The following SLC24A2 variants were observed in gnomAD, a reference collection of about 807,000 sequenced individuals.
The protein encoded by SLC24A2 is sodium/potassium/calcium exchanger 2.
In SLC24A2, 36 loss-of-function variants were observed where a neutral mutation model predicts 62.0. The ratio of observed to expected loss-of-function variants is 0.58; its 90% CI spans 0.44 to 0.77. SLC24A2 has a LOEUF of 0.77. Ranked by LOEUF, SLC24A2 falls within the 30% of genes least tolerant of loss-of-function variation. The probability of loss-of-function intolerance (pLI) is 0.00; values close to 1 mark genes in which losing one functional copy is unlikely to be tolerated. For synonymous variants in SLC24A2, 358 were observed against 294.0 expected (o/e 1.22, Z -2.23); for missense variants, 846 against 817.9 (o/e 1.03, Z -0.42).
At chr9:19,633,298 A>G (rs372706749) in intron 2 of SLC24A2, among the ~76,000 whole-genome samples, 2 of 152,242 alleles carry the variant, frequency 1.3e-5, no homozygotes, top group East Asian at 3.8e-4. Context: ...TGTTTCATTT[A>G]TCTGGGATAT....
the SLC24A2 span, among the ~76,000 whole-genome samples, chr9:20,182,784 C>CA: frequency 2.0e-5 from 3 of 151,720 alleles, no homozygotes; most frequent in African/African-American, 7.3e-5. Flanking sequence ...AAGTATGATA[C>CA]AAAAAAGAAG....
intron 4 of SLC24A2, among the ~76,000 whole-genome samples, chr9:19,598,648 A>G (rs1018964532): frequency 1.3e-5 from 2 of 152,022 alleles, no homozygotes; most frequent in Non-Finnish European, 2.9e-5. Flanking sequence ...GGGGATTGCC[A>G]TCAGTGAAAA....
intron 2 of SLC24A2, among the ~76,000 whole-genome samples, chr9:19,736,028 A>G (rs1190197538): frequency 6.6e-6 from 1 of 152,176 alleles, no homozygotes; most frequent in Non-Finnish European, 1.5e-5. Context: ...AAAATATGTG[A>G]TAACAGTAAC....
intron 2 of SLC24A2, among the ~76,000 whole-genome samples, chr9:19,653,566 T>C (rs1465322803): frequency 1.3e-5 from 2 of 152,248 alleles, no homozygotes; most frequent in Non-Finnish European, 2.9e-5. Flanking sequence ...AAAGTTGATC[T>C]ACTGAAGTTA....
intron 6 of SLC24A2, among the ~76,000 whole-genome samples, chr9:19,574,233 G>A (rs1835941227): frequency 6.6e-6 from 1 of 152,202 alleles, no homozygotes; most frequent in South Asian, 2.1e-4. Context: ...GCATCCTACT[G>A]CAGGCAAGGC....
the SLC24A2 span, among the ~76,000 whole-genome samples, chr9:19,973,219 GT>G: frequency 2.0e-5 from 3 of 152,190 alleles, no homozygotes; most frequent in East Asian, 5.8e-4. Context: ...CAGTGTTCTT[GT>G]GTAGCAGACA....
intron 2 of SLC24A2, among the ~76,000 whole-genome samples, chr9:19,653,766 A>G (rs1378548245): frequency 6.6e-6 from 1 of 152,192 alleles, no homozygotes; most frequent in East Asian, 1.9e-4. Flanking sequence ...TTTGTGGAAT[A>G]AACATTCCAA....
chr9:20,303,106 A>G, the SLC24A2 span, among the ~76,000 whole-genome samples: 1 of 151,736 alleles, frequency 6.6e-6, no homozygotes, highest in East Asian at 1.9e-4. Flanking sequence ...TTACTAAGAT[A>G]CATAGATATA....
At chr9:19,657,184 G>A (rs761046548) in intron 2 of SLC24A2, among the ~76,000 whole-genome samples, 1 of 152,156 alleles carries the variant, frequency 6.6e-6, no homozygotes, top group Non-Finnish European at 1.5e-5. Flanking sequence ...CTATGACCTG[G>A]AGAGTGGTGC....
At chr9:20,216,105 T>G in the SLC24A2 span, among the ~76,000 whole-genome samples, 13 of 2,470 alleles carry the variant, frequency 5.3e-3, no homozygotes, top group East Asian at 0.025. Context: ...ATAAGAGGGT[T>G]TTTTTCTCCT....
the SLC24A2 span, among the ~76,000 whole-genome samples, chr9:20,008,320 G>A: frequency 6.6e-5 from 10 of 152,140 alleles, no homozygotes; most frequent in East Asian, 1.9e-4. Flanking sequence ...GAGGTGTCTC[G>A]CTGGCTGTCT....
intron 8 of SLC24A2, among the ~76,000 whole-genome samples, chr9:19,542,738 T>G (rs1441956886): frequency 6.6e-6 from 1 of 152,192 alleles, no homozygotes; most frequent in Non-Finnish European, 1.5e-5. Context: ...TGGATTACAT[T>G]TATTGATTTG....
At chr9:19,699,145 G>A (rs773210823) in intron 2 of SLC24A2, among the ~76,000 whole-genome samples, 1 of 152,126 alleles carries the variant, frequency 6.6e-6, no homozygotes, top group Non-Finnish European at 1.5e-5. Flanking sequence ...TACTGTAACA[G>A]CTGATTATCT....
At chr9:19,529,597 T>A (rs1833601135) in intron 8 of SLC24A2, among the ~76,000 whole-genome samples, 1 of 152,092 alleles carries the variant, frequency 6.6e-6, no homozygotes, top group Non-Finnish European at 1.5e-5. Flanking sequence ...AGCCAAAACC[T>A]TACCCTCAAA....
At chr9:20,115,596 T>A in the SLC24A2 span, among the ~76,000 whole-genome samples, 1 of 152,140 alleles carries the variant, frequency 6.6e-6, no homozygotes, top group Non-Finnish European at 1.5e-5. Context: ...AATGAACACG[T>A]CAAACTTGAT....
the SLC24A2 span, among the ~76,000 whole-genome samples, chr9:19,993,194 T>C: frequency 2.0e-5 from 3 of 152,172 alleles, no homozygotes; most frequent in Admixed American, 1.3e-4. Context: ...ATTCTTTCCA[T>C]CCACAGGGCA....
chr9:19,532,929 C>T (rs779499181), intron 8 of SLC24A2, among the ~76,000 whole-genome samples: 18 of 152,172 alleles, frequency 1.2e-4, no homozygotes, highest in Admixed American at 2.6e-4. Context: ...ATAACTTTTT[C>T]GGTCCTTAGT....
the SLC24A2 span, among the ~76,000 whole-genome samples, chr9:19,978,042 T>C: frequency 6.6e-6 from 1 of 152,184 alleles, no homozygotes; most frequent in African/African-American, 2.4e-5. Flanking sequence ...AACTTACATT[T>C]CCTGCCGGGA....
chr9:19,872,363 G>T, the SLC24A2 span, among the ~76,000 whole-genome samples: 1 of 152,188 alleles, frequency 6.6e-6, no homozygotes, highest in Non-Finnish European at 1.5e-5. Flanking sequence ...TCATTCCGAA[G>T]GATAAAGGAG....
Sources: gnomAD v4.1 joint callset for allele counts (sites outside exome capture counted in the v4.1 genomes callset) on GRCh38, gnomAD v4.1.1 for gene constraint, MANE v1.5 for transcripts, NCBI Gene and HGNC (gene_info 2026-07-23, HGNC 2026-07-21) for gene names.